DAB1: variants seen among roughly 807,000 people sequenced by gnomAD.
DAB1 encodes the protein DAB adaptor protein 1.
DAB1 carries 15 observed loss-of-function variants against 64.6 expected under a neutral mutation model. The ratio of observed to expected loss-of-function variants is 0.23; its 90% CI spans 0.16 to 0.36. The LOEUF is 0.36. Among genes scored for constraint, DAB1 ranks in the 10% least tolerant of loss-of-function variants. The probability of loss-of-function intolerance (pLI) is 1.00; values close to 1 mark genes in which losing one functional copy is unlikely to be tolerated. For missense variants in DAB1, 596 were observed against 706.7 expected (o/e 0.84, Z 1.78); for synonymous variants, 235 against 251.9 (o/e 0.93, Z 0.64).
Position 58,070,054 on chromosome 1 carries a change from T to A in DAB1, n.387+80457A>T, listed in dbSNP as rs1570310569. Among the ~76,000 whole-genome samples, 2 of 152,170 alleles carry A rather than the reference T, an allele frequency of 1.3e-5. 1 individual carries two copies. Among genetic ancestry groups the A allele is most frequent in the South Asian group, 4.1e-4 (2 of 4,826 alleles). ...GGAGAGAAGCTCATGCCTTGCTCAATACTAGGCCAGGCACTTGGGGACCCA... is the reference window on the plus strand; with the variant it reads ...GGAGAGAAGCTCATGCCTTGCTCAAAACTAGGCCAGGCACTTGGGGACCCA... On this transcript the variant is annotated intron_variant and non_coding_transcript_variant, in intron 5 of 20. Transcript: ENST00000485760.
chr1:57,337,570 C>T (rs1677181798), intron 1 of DAB1, among the ~76,000 whole-genome samples: 1 of 151,842 alleles, frequency 6.6e-6, no homozygotes, highest in Non-Finnish European at 1.5e-5. Context: ...TGTTTTTTTT[C>T]CTGAACACTT....
At chr1:58,386,987 G>C (rs572215445) in intron 3 of DAB1, among the ~76,000 whole-genome samples, 1 of 152,300 alleles carries the variant, frequency 6.6e-6, no homozygotes, top group South Asian at 2.1e-4. Context: ...TTGAATCCGG[G>C]AGGCAGAAGT....
intron 7 of DAB1, among the ~76,000 whole-genome samples, chr1:57,633,811 C>T (rs1646019784): frequency 6.6e-6 from 1 of 152,152 alleles, no homozygotes; most frequent in African/African-American, 2.4e-5. Context: ...GTACATTTTG[C>T]CAGGTATCTA....
intron 2 of DAB1, among the ~76,000 whole-genome samples, chr1:57,203,286 T>C (rs1213360659): frequency 6.6e-6 from 1 of 152,238 alleles, no homozygotes; most frequent in Non-Finnish European, 1.5e-5. Flanking sequence ...CTTGTCATTT[T>C]TCTTTGCTTC....
chr1:58,204,010 A>G (rs751864105), intron 4 of DAB1, among the ~76,000 whole-genome samples: 6 of 152,234 alleles, frequency 3.9e-5, no homozygotes, highest in Non-Finnish European at 7.3e-5. Flanking sequence ...GAACATGGCC[A>G]TGTATCTAAC....
intron 3 of DAB1, among the ~76,000 whole-genome samples, chr1:58,403,817 G>A (rs1033692206): frequency 2.6e-5 from 4 of 151,856 alleles, no homozygotes; most frequent in East Asian, 1.9e-4. Flanking sequence ...GCATGCGCAC[G>A]CATTCACACA....
chr1:57,681,231 C>T (rs1234443945), intron 6 of DAB1, among the ~76,000 whole-genome samples: 1 of 152,196 alleles, frequency 6.6e-6, no homozygotes, highest in African/African-American at 2.4e-5. Context: ...CCTTCATCGT[C>T]ACATGGTATT....
chr1:57,678,094 T>A (rs1262123652), intron 6 of DAB1, among the ~76,000 whole-genome samples: 1 of 152,034 alleles, frequency 6.6e-6, no homozygotes, highest in African/African-American at 2.4e-5. Context: ...CAGACAAGGT[T>A]GAAAATCCAC....
chr1:58,019,977 T>TATA (rs955359889), intron 5 of DAB1, among the ~76,000 whole-genome samples: 19 of 152,214 alleles, frequency 1.2e-4, no homozygotes, highest in African/African-American at 4.1e-4. Context: ...TTTATTTCTT[T>TATA]ATAATGTTTC....
intron 3 of DAB1, among the ~76,000 whole-genome samples, chr1:58,403,019 T>A (rs1282098779): frequency 1.3e-5 from 2 of 152,224 alleles, no homozygotes; most frequent in Admixed American, 1.3e-4. Context: ...CAATACCATA[T>A]GACTCTGCTA....
chr1:57,572,495 A>G (rs1645204241), intron 7 of DAB1, among the ~76,000 whole-genome samples: 1 of 152,154 alleles, frequency 6.6e-6, no homozygotes, highest in African/African-American at 2.4e-5. Context: ...CATATCAGGC[A>G]AGTTACAGCT....
intron 11 of DAB1, among the ~76,000 whole-genome samples, 179 bp downstream of exon 11, chr1:57,023,352 T>A (rs1167263503): frequency 1.3e-5 from 2 of 152,150 alleles, no homozygotes; most frequent in East Asian, 3.9e-4. Context: ...GCCAGTAACA[T>A]CCCAGAGCTC....
At chr1:57,999,439 A>T (rs969827419) in intron 5 of DAB1, among the ~76,000 whole-genome samples, 4 of 152,186 alleles carry the variant, frequency 2.6e-5, no homozygotes, top group African/African-American at 9.7e-5. Context: ...GCACTACAGG[A>T]GATTCTGAAC....
chr1:57,992,756 C>A (rs894333458), intron 5 of DAB1, among the ~76,000 whole-genome samples: 5 of 151,872 alleles, frequency 3.3e-5, no homozygotes, highest in African/African-American at 1.2e-4. Context: ...TGGTGTTTTA[C>A]CATGTATCTA....
rs556008171 is a variant in DAB1 at position 58,092,276 on chromosome 1, C to T, written n.387+58235G>A. Among the ~76,000 whole-genome samples the T allele has an allele frequency of 4.7e-5, 7 of 150,278 alleles. No individual in the cohort carries two copies. The South Asian group carries it at 1.1e-3, about 23-fold the overall frequency. ...CTTGAACCCAGCAGGGGCATTGCAG[C>T]GAGTCAAGATCGCACCACTGTACTC... On this transcript the variant is annotated intron_variant and non_coding_transcript_variant, in intron 5 of 20. Transcript: ENST00000485760.
chr1:57,775,342 G>A (rs774855867), intron 6 of DAB1, among the ~76,000 whole-genome samples: 13 of 151,274 alleles, frequency 8.6e-5, no homozygotes, highest in Non-Finnish European at 1.8e-4. Flanking sequence ...GCTTCTCAAG[G>A]TGAGGAGTTA....
intron 1 of DAB1, among the ~76,000 whole-genome samples, chr1:57,316,262 A>G (rs1675198659): frequency 6.6e-6 from 1 of 152,240 alleles, no homozygotes; most frequent in African/African-American, 2.4e-5. Context: ...GAAAACAAGA[A>G]GCACTTCCTA....
intron 1 of DAB1, among the ~76,000 whole-genome samples, chr1:57,323,901 T>G (rs1485265094): frequency 6.6e-6 from 1 of 151,812 alleles, no homozygotes; most frequent in Non-Finnish European, 1.5e-5. Flanking sequence ...ATAGGCAATG[T>G]GAGGATGATA....
chr1:58,348,763 G>A (rs1377398625), intron 3 of DAB1, among the ~76,000 whole-genome samples: 1 of 152,036 alleles, frequency 6.6e-6, no homozygotes, highest in Non-Finnish European at 1.5e-5. Context: ...AGTTTTTTTG[G>A]CACATGAAAT....
Sources: allele counts gnomAD v4.1 joint callset (sites outside exome capture counted in the v4.1 genomes callset), GRCh38; gene constraint gnomAD v4.1.1; transcripts MANE v1.5; gene names NCBI Gene and HGNC (gene_info 2026-07-23, HGNC 2026-07-21).